MTCH2: variants seen among roughly 807,000 people sequenced by gnomAD.
MTCH2 encodes mitochondrial carrier homolog 2.
A neutral mutation model predicts 50.6 loss-of-function variants in MTCH2; 25 were observed. The observed-to-expected ratio is 0.49, with a 90% CI of 0.36 to 0.69. MTCH2 has a LOEUF of 0.69. Among genes scored for constraint, MTCH2 ranks in the 30% least tolerant of loss-of-function variants. MTCH2 has a pLI of 0.00. For missense variants in MTCH2, 273 were observed against 384.4 expected (o/e 0.71, Z 2.42); for synonymous variants, 106 against 132.0 (o/e 0.80, Z 1.35).
At chr11:47,608,532 C>G in the MTCH2 span, among the ~76,000 whole-genome samples, 2 of 152,184 alleles carry the variant, frequency 1.3e-5, no homozygotes, top group Non-Finnish European at 2.9e-5. Context: ...CTCAGCTCCT[C>G]CTGCACAAGG....
At chr11:47,623,846 G>C (rs1027519118) in intron 11 of MTCH2, among the ~76,000 whole-genome samples, 1 of 152,092 alleles carries the variant, frequency 6.6e-6, no homozygotes, top group African/African-American at 2.4e-5. Context: ...GAGGTCAGGA[G>C]TTCGAGACCA....
chr11:47,624,100 T>C (rs905345072), intron 11 of MTCH2, among the ~76,000 whole-genome samples: 2 of 151,216 alleles, frequency 1.3e-5, no homozygotes, highest in African/African-American at 4.9e-5. Context: ...GGCATGCTGG[T>C]GGGCACCTGT....
chr11:47,608,150 T>C, the MTCH2 span, among the ~76,000 whole-genome samples: 575 of 152,344 alleles, frequency 3.8e-3, 4 homozygotes, highest in African/African-American at 0.013. Flanking sequence ...ATTTAGCTTA[T>C]ATGGCTGTTT....
chr11:47,614,141 T>C (rs2097287027), downstream of MTCH2, among the ~76,000 whole-genome samples: 1 of 152,120 alleles, frequency 6.6e-6, no homozygotes, highest in Non-Finnish European at 1.5e-5. Flanking sequence ...TTTAGCATTT[T>C]ATAGCCTCCA....
chr11:47,635,238 C>A (rs756723427), intron 4 of MTCH2, among the ~76,000 whole-genome samples: 1 of 152,072 alleles, frequency 6.6e-6, no homozygotes, highest in Non-Finnish European at 1.5e-5. Context: ...TGCCACCAGG[C>A]CCCGCTAATC....
the MTCH2 span, among the ~76,000 whole-genome samples, chr11:47,608,140 A>G: frequency 6.6e-6 from 1 of 152,350 alleles, no homozygotes; most frequent in South Asian, 2.1e-4. Flanking sequence ...TGGGAGCAGT[A>G]TTTAGCTTAT....
At chr11:47,633,848 T>C (rs1413921171) in intron 5 of MTCH2, among the ~76,000 whole-genome samples, 2 of 151,844 alleles carry the variant, frequency 1.3e-5, no homozygotes. Context: ...TTGGAATATG[T>C]ATTTTGGATG....
chr11:47,609,551 C>T, the MTCH2 span, among the ~76,000 whole-genome samples: 11 of 141,032 alleles, frequency 7.8e-5, no homozygotes, highest in East Asian at 4.4e-4. Flanking sequence ...CACTTGAACC[C>T]GGGAGACGGA....
chr11:47,616,464 A>G (rs1268497570), downstream of MTCH2, among the ~76,000 whole-genome samples: 2 of 152,034 alleles, frequency 1.3e-5, no homozygotes, highest in East Asian at 3.9e-4. Context: ...CTCCTGCCTC[A>G]GCCTCCTGAA....
chr11:47,620,655 TAAAG>T (rs1298516908), intron 12 of MTCH2, among the ~76,000 whole-genome samples: 5 of 152,152 alleles, frequency 3.3e-5, no homozygotes, highest in African/African-American at 1.2e-4. Context: ...CTCTAAAAAA[TAAAG>T]AACCAAATAA....
the MTCH2 span, among the ~76,000 whole-genome samples, chr11:47,609,328 C>T: frequency 1.3e-5 from 2 of 150,882 alleles, no homozygotes. Flanking sequence ...TGGTGGCAGG[C>T]ACCTGTGATC....
intron 5 of MTCH2, among the ~76,000 whole-genome samples, chr11:47,633,524 A>ATTTTT (rs1199068244): frequency 1.8e-5 from 1 of 55,308 alleles, no homozygotes; most frequent in African/African-American, 9.1e-5. Flanking sequence ...ATATATATAT[A>ATTTTT]TATTTTTTTT....
chr11:47,618,702 C>T lies in MTCH2; in HGVS notation c.*131G>A. On this transcript the variant is annotated 3_prime_UTR_variant, in exon 13 of 13. Coordinates refer to ENST00000302503, the MANE Select transcript of MTCH2 (RefSeq NM_014342.4). ...AAAAAAGAACAAAAAAGGCAGACAC[C>T]AAACACCTGAATTTTCCCAAGATTA... is the stretch of plus-strand genomic sequence containing the variant. The T allele has an allele frequency of 1.6e-6, 1 of 629,510 alleles. No homozygotes were observed. The highest frequency in any genetic ancestry group is 3.1e-5 in the South Asian group (1 of 32,342). 39.0% of individuals were successfully genotyped at this position (629,510 alleles called of 1,614,324 possible).
intron 6 of MTCH2, 83 bp downstream of exon 6, chr11:47,631,571 A>G (rs2097303077): frequency 1.5e-6 from 2 of 1,364,226 alleles, no homozygotes; most frequent in Non-Finnish European, 1.0e-6. Flanking sequence ...AAGGCATTTT[A>G]GTCAACTCCC....
the MTCH2 span, among the ~76,000 whole-genome samples, chr11:47,610,055 G>C: frequency 1.3e-5 from 2 of 152,168 alleles, no homozygotes; most frequent in South Asian, 4.1e-4. Flanking sequence ...CCACAGGCTT[G>C]GGAAGAGGGC....
Position 47,618,922 on chromosome 11 carries a change from G to T in MTCH2, c.826-3C>A. 1.4e-6 allele frequency: 2 copies of T among 1,403,448 alleles called. No individual in the cohort carries two copies. Among genetic ancestry groups the T allele is most frequent in the Non-Finnish European group, 1.9e-6 (2 of 1,071,912 alleles). 86.9% of individuals were successfully genotyped at this position (1,403,448 alleles called of 1,614,324 possible). Reference sequence around the variant, plus strand: ...CTATTTCCTCGGCTCATATTCCCCTGGAAAACAAAACAAAACAAAACACAA... The same window carrying T: ...CTATTTCCTCGGCTCATATTCCCCTTGAAAACAAAACAAAACAAAACACAA... On this transcript the variant is annotated splice_region_variant and splice_polypyrimidine_tract_variant and intron_variant, in intron 12 of 12. Coordinates refer to ENST00000302503, the MANE Select transcript of MTCH2 (RefSeq NM_014342.4).
At chr11:47,636,954 G>C (rs1187231256) in intron 3 of MTCH2, among the ~76,000 whole-genome samples, 1 of 96,248 alleles carries the variant, frequency 1.0e-5, no homozygotes, top group Non-Finnish European at 1.9e-5. Context: ...GAAAATTCAA[G>C]AACTCTGTTT....
the MTCH2 span, among the ~76,000 whole-genome samples, chr11:47,607,331 T>C: frequency 1.3e-5 from 2 of 152,138 alleles, no homozygotes; most frequent in Non-Finnish European, 2.9e-5. Context: ...TTTTTTTCCC[T>C]TTCTATTAAA....
intron 1 of MTCH2, among the ~76,000 whole-genome samples, chr11:47,640,997 A>G (rs2097313678): frequency 6.6e-6 from 1 of 151,982 alleles, no homozygotes; most frequent in African/African-American, 2.4e-5. Context: ...CCCGGGTTCA[A>G]GCGATTCTCC....
Sources: allele counts gnomAD v4.1 joint callset (sites outside exome capture counted in the v4.1 genomes callset), GRCh38; gene constraint gnomAD v4.1.1; transcripts MANE v1.5; gene names NCBI Gene and HGNC (gene_info 2026-07-23, HGNC 2026-07-21).